Variants in NFATC2 observed in about 807,000 individuals in gnomAD.
NFATC2 encodes nuclear factor of activated T cells 2.
Under a neutral mutation model 87.3 loss-of-function variants are expected in NFATC2, and 22 were observed. That is an observed-to-expected ratio of 0.25 (90% CI 0.18 to 0.36). The LOEUF (loss-of-function observed/expected upper bound fraction) is 0.36. Ranked by LOEUF, NFATC2 falls within the 10% of genes least tolerant of loss-of-function variation. The pLI, the probability that NFATC2 is intolerant of heterozygous loss-of-function variation, is 1.00. For synonymous variants in NFATC2, 565 were observed against 542.2 expected (o/e 1.04, Z -0.58); for missense variants, 1,149 against 1,259.1 (o/e 0.91, Z 1.32).
intron 3 of NFATC2, among the ~76,000 whole-genome samples, chr20:51,497,507 C>T (rs150747415): frequency 2.0e-5 from 3 of 152,272 alleles, no homozygotes; most frequent in Non-Finnish European, 2.9e-5. Flanking sequence ...CTGAAACCCC[C>T]GGTCCAGCCC....
intron 3 of NFATC2, among the ~76,000 whole-genome samples, chr20:51,501,888 G>C (rs73130804): frequency 0.091 from 13,892 of 152,240 alleles, 794 homozygotes; most frequent in South Asian, 0.17. Context: ...AGTCTCTGTT[G>C]CAAGTACTCA....
chr20:51,495,171 G>A (rs945334428), intron 3 of NFATC2, among the ~76,000 whole-genome samples: 7 of 151,994 alleles, frequency 4.6e-5, no homozygotes, highest in South Asian at 2.1e-4. Flanking sequence ...TGCAACCTCC[G>A]CCTCCTGTTC....
chr20:51,394,151 T>C (rs1416553180), intron 10 of NFATC2, among the ~76,000 whole-genome samples: 1 of 152,140 alleles, frequency 6.6e-6, no homozygotes. Context: ...CTTTCTGAAA[T>C]GTCGGCACTT....
At chr20:51,492,068 C>T (rs1160115477) in intron 3 of NFATC2, among the ~76,000 whole-genome samples, 3 of 151,992 alleles carry the variant, frequency 2.0e-5, no homozygotes, top group Non-Finnish European at 4.4e-5. Flanking sequence ...TGGAGAAAGC[C>T]GCATCCCTGC....
chr20:51,553,233 G>T (rs6067822), intron 1 of NFATC2, among the ~76,000 whole-genome samples: 29,487 of 152,054 alleles, frequency 0.19, 3,502 homozygotes, highest in Middle Eastern at 0.27. Context: ...TCCACCTGCC[G>T]GGAGCCTGTG....
intron 5 of NFATC2, 96 bp from the exon 6 acceptor site, chr20:51,454,784 G>T: frequency 7.4e-7 from 1 of 1,346,894 alleles, no homozygotes; most frequent in Non-Finnish European, 1.0e-6. Context: ...GACATGCTCT[G>T]CCCACCTGTG....
chr20:51,511,225 T>C (rs1362091691), intron 3 of NFATC2, among the ~76,000 whole-genome samples: 5 of 152,252 alleles, frequency 3.3e-5, no homozygotes, highest in Admixed American at 6.5e-5. Flanking sequence ...TTTGGTCAGT[T>C]CAGTCATTTC....
chr20:51,419,525 G>C (rs1980559319), intron 9 of NFATC2, among the ~76,000 whole-genome samples: 3 of 152,208 alleles, frequency 2.0e-5, no homozygotes, highest in African/African-American at 7.2e-5. Context: ...CTGGGTTCCT[G>C]GTATGATGGG....
intron 1 of NFATC2, among the ~76,000 whole-genome samples, chr20:51,559,488 G>C (rs1490750841): frequency 3.3e-5 from 5 of 152,218 alleles, no homozygotes; most frequent in African/African-American, 1.2e-4. Context: ...AGACAGCAGA[G>C]CATATGGTGA....
chr20:51,431,470 G>C (rs1337778007), intron 9 of NFATC2, among the ~76,000 whole-genome samples: 10 of 152,144 alleles, frequency 6.6e-5, no homozygotes, highest in Non-Finnish European at 1.5e-4. Context: ...CCACCCATCA[G>C]CTGGGCTCAC....
At chr20:51,510,299 G>A (rs538103367) in intron 3 of NFATC2, among the ~76,000 whole-genome samples, 1 of 152,194 alleles carries the variant, frequency 6.6e-6, no homozygotes, top group Admixed American at 6.5e-5. Flanking sequence ...TGACAATGGC[G>A]TTATACAGGC....
chr20:51,531,232 C>A (rs2076628372), intron 1 of NFATC2, among the ~76,000 whole-genome samples: 1 of 152,214 alleles, frequency 6.6e-6, no homozygotes, highest in Non-Finnish European at 1.5e-5. Context: ...GCACAGGAGG[C>A]CTGCGCACAG....
Position 51,523,961 on chromosome 20 carries a change from G to C in NFATC2, c.280C>G (p.Pro94Ala). The change falls in exon 2 of 11, where the codon CCG becomes GCG. Residue 94 changes from proline to alanine, a missense_variant. By Grantham distance (27) the Pro-to-Ala change is conservative. Around this residue, in one of 3 missense-constraint regions of NFATC2, gnomAD observed 563 missense variants for 585.2 expected, o/e 0.96. Transcript: ENST00000371564. This position sits in a 1 kb window ranked among gnomAD's most constrained non-coding sequence, Gnocchi z 6.9. The stretch of plus-strand genomic sequence containing the variant: ...TTGGCCGCGCTCAGAAACTTCTGCG[G>C]CCCTACCCTATCCGGCTCTCCGAAT... The part of the protein sequence containing the change: ...GRFGEPDRVG[P>A]QKFLSAAKPA... 3 of 1,589,122 alleles carry C rather than the reference G, an allele frequency of 1.9e-6. No individual in the cohort carries two copies. The highest frequency in any genetic ancestry group is 2.6e-6 in the Non-Finnish European group (3 of 1,173,122).
intron 9 of NFATC2, among the ~76,000 whole-genome samples, chr20:51,402,656 C>A (rs1988174707): frequency 6.6e-6 from 1 of 152,194 alleles, no homozygotes; most frequent in African/African-American, 2.4e-5. Flanking sequence ...GAGGAATTAA[C>A]CAAACATTTC....
chr20:51,441,717 C>CAAAAAAAA (rs11474273), intron 6 of NFATC2, among the ~76,000 whole-genome samples: 2 of 120,112 alleles, frequency 1.7e-5, no homozygotes, highest in Non-Finnish European at 3.3e-5. Flanking sequence ...AACTCCATCT[C>CAAAAAAAA]AAAAAAAAAA....
chr20:51,431,015 A>C (rs1217370932), intron 9 of NFATC2, among the ~76,000 whole-genome samples: 1 of 152,216 alleles, frequency 6.6e-6, no homozygotes, highest in African/African-American at 2.4e-5. Context: ...TACATTTTTA[A>C]ATAATGTAAA....
intron 5 of NFATC2, among the ~76,000 whole-genome samples, chr20:51,462,801 C>T (rs1404770696): frequency 6.6e-6 from 1 of 152,128 alleles, no homozygotes; most frequent in African/African-American, 2.4e-5. Flanking sequence ...GAATCACTCC[C>T]GTTTTAGAGT....
intron 1 of NFATC2, among the ~76,000 whole-genome samples, chr20:51,540,104 A>C (rs761000071): frequency 6.6e-6 from 1 of 152,138 alleles, no homozygotes; most frequent in African/African-American, 2.4e-5. Flanking sequence ...ACTTCTGCCT[A>C]CTGGGTTCAA....
At chr20:51,491,552 G>T (rs191140959) in intron 3 of NFATC2, among the ~76,000 whole-genome samples, 2 of 152,098 alleles carry the variant, frequency 1.3e-5, no homozygotes, top group South Asian at 2.1e-4. Flanking sequence ...CCGGTGTGAC[G>T]ATACTGTATA....
Sources: gnomAD v4.1 joint callset for allele counts (sites outside exome capture counted in the v4.1 genomes callset) on GRCh38, gnomAD v4.1.1 for gene constraint, gnomAD v4.1.1 regional missense constraint, Gnocchi (gnomAD v3.1) non-coding constraint, MANE v1.5 for transcripts, NCBI Gene and HGNC (gene_info 2026-07-23, HGNC 2026-07-21) for gene names.